The following ZBTB20 variants were observed in gnomAD, a reference collection of about 807,000 sequenced individuals.
The protein encoded by ZBTB20 is zinc finger and BTB domain containing 20.
ZBTB20 carries 9 observed loss-of-function variants against 56.9 expected under a neutral mutation model. That is an observed-to-expected ratio of 0.16 (90% confidence interval 0.10 to 0.28). The LOEUF (loss-of-function observed/expected upper bound fraction) is 0.28, where lower values mean the gene tolerates loss of function less well. Among genes scored for constraint, ZBTB20 ranks in the 10% least tolerant of loss-of-function variants. ZBTB20 has a pLI of 1.00. For synonymous variants in ZBTB20, 417 were observed against 420.7 expected, an observed-to-expected ratio of 0.99 and a Z score of 0.11; for missense variants, 655 against 1,003.0, an observed-to-expected ratio of 0.65 and a Z score of 4.69.
At chr3:114,380,004 T>A (rs1282588509) in intron 10 of ZBTB20, among the ~76,000 whole-genome samples, 1 of 152,244 alleles carries the variant, frequency 6.6e-6, no homozygotes, top group Non-Finnish European at 1.5e-5. Context: ...ATCAGCCCTT[T>A]AAGGCCAAAT....
In ZBTB20 at chr3:114,492,611, T is replaced by TA. The variant is rs547898761; in HGVS notation, c.-255+7740dup. Among the ~76,000 whole-genome samples the TA allele has an allele frequency of 9.2e-5, 14 of 152,336 alleles. No homozygotes were observed. The East Asian group carries it at 2.3e-3, about 25-fold the overall frequency. On this transcript the variant is annotated intron_variant, in intron 7 of 11. Transcript: ENST00000675478. ...CTGCCTCTTATGTGGTCTACTGGAA[T>TA]AGCTCCCTCACTGGTTTCCTCATAT...
chr3:114,631,419 G>A (rs372848920), intron 6 of ZBTB20, among the ~76,000 whole-genome samples: 6 of 82,212 alleles, frequency 7.3e-5, no homozygotes, highest in South Asian at 4.4e-4. Flanking sequence ...TTGAGATGGC[G>A]TCTTGCTCTG....
At chr3:114,560,025 T>C (rs955533256) in intron 6 of ZBTB20, among the ~76,000 whole-genome samples, 3 of 152,216 alleles carry the variant, frequency 2.0e-5, no homozygotes, top group Admixed American at 1.3e-4. Flanking sequence ...ATTCTAAATG[T>C]AGGTCAAATT....
intron 1 of ZBTB20, among the ~76,000 whole-genome samples, chr3:115,121,918 A>C (rs1010100756): frequency 5.9e-5 from 9 of 151,962 alleles, no homozygotes; most frequent in Admixed American, 3.3e-4. Context: ...AGATCTCCTC[A>C]TTTTTAAATT....
intron 2 of ZBTB20, among the ~76,000 whole-genome samples, chr3:115,012,457 T>C (rs1409062370): frequency 1.3e-5 from 2 of 151,622 alleles, no homozygotes; most frequent in East Asian, 3.9e-4. Flanking sequence ...GGATGAAAAC[T>C]ATAAGAAGAG....
Position 114,336,592 on chromosome 3 carries a change from A to G in ZBTB20, c.*2413T>C, listed in dbSNP as rs1441015099. On this transcript the variant is annotated 3_prime_UTR_variant, in exon 12 of 12. Transcript: ENST00000675478. ...TCAAACTCACAAACACTTCAGTTAC[A>G]CTAACCTTACAAAGCATCACAAAGA... The G allele has an allele frequency of 6.6e-6, 1 of 152,224 alleles. No individual in the cohort carries two copies. Among genetic ancestry groups the G allele is most frequent in the Non-Finnish European group, 1.5e-5 (1 of 68,022 alleles). The allele number at this position is 152,224 out of a possible 1,614,324, so 9.4% of individuals were successfully genotyped here.
chr3:114,956,860 C>CTCAGTGAACCTGT (rs2077265334), intron 3 of ZBTB20, among the ~76,000 whole-genome samples: 1 of 152,172 alleles, frequency 6.6e-6, no homozygotes, highest in Non-Finnish European at 1.5e-5. Flanking sequence ...TCACTCTCAT[C>CTCAGTGAACCTGT]TCAGTGAACC....
intron 1 of ZBTB20, among the ~76,000 whole-genome samples, chr3:115,136,651 C>T (rs2084660239): frequency 6.6e-6 from 1 of 152,004 alleles, no homozygotes; most frequent in African/African-American, 2.4e-5. Context: ...GTAATGCATA[C>T]CCCAAATGAC....
chr3:114,800,360 G>C (rs2071623338), intron 5 of ZBTB20, among the ~76,000 whole-genome samples: 1 of 151,730 alleles, frequency 6.6e-6, no homozygotes, highest in African/African-American at 2.4e-5. Flanking sequence ...CTGTTATTCA[G>C]ACGTTGAAAT....
intron 5 of ZBTB20, among the ~76,000 whole-genome samples, chr3:114,775,464 C>T (rs1476270579): frequency 6.6e-6 from 1 of 151,410 alleles, no homozygotes; most frequent in Non-Finnish European, 1.5e-5. Context: ...ACTTCTGTTG[C>T]CTTATTTAAT....
chr3:114,575,633 T>G (rs1187521505), intron 6 of ZBTB20, among the ~76,000 whole-genome samples: 1 of 152,090 alleles, frequency 6.6e-6, no homozygotes, highest in Non-Finnish European at 1.5e-5. Context: ...TGCCTCTATT[T>G]AAATAGTAAA....
Position 115,077,118 on chromosome 3 carries a change from G to T in ZBTB20, c.-702-5704C>A, listed in dbSNP as rs866622042. ...AGCCTGGGGCGTGGCGAGCAGGGGT[G>T]AATTCCCTGATATATCTGATAAGGG... On this transcript the variant is annotated intron_variant, in intron 1 of 11. Transcript: ENST00000675478. 2.6e-5 allele frequency among the ~76,000 whole-genome samples: 4 copies of T among 152,084 alleles called. No homozygotes were observed. In the Middle Eastern group the frequency reaches 0.01, roughly 388 times the overall value.
chr3:114,934,004 A>C (rs745472677), intron 3 of ZBTB20, among the ~76,000 whole-genome samples: 27 of 152,144 alleles, frequency 1.8e-4, no homozygotes, highest in African/African-American at 6.3e-4. Context: ...CTAATACCAC[A>C]GGAAAGGGTC....
At chr3:115,035,857 T>C (rs976813958) in intron 2 of ZBTB20, among the ~76,000 whole-genome samples, 20 of 152,158 alleles carry the variant, frequency 1.3e-4, no homozygotes, top group African/African-American at 4.1e-4. Flanking sequence ...ACACAAATTG[T>C]GATATATATA....
chr3:114,535,511 C>T (rs1298540329), intron 6 of ZBTB20, among the ~76,000 whole-genome samples: 3 of 152,080 alleles, frequency 2.0e-5, no homozygotes, highest in East Asian at 1.9e-4. Flanking sequence ...AGCCTACCAA[C>T]CAAAAAAAGC....
chr3:115,028,226 C>T (rs1294721068), intron 2 of ZBTB20, among the ~76,000 whole-genome samples: 1 of 150,466 alleles, frequency 6.6e-6, no homozygotes, highest in Non-Finnish European at 1.5e-5. Flanking sequence ...AAAATAAACC[C>T]ATAACATAGT....
chr3:115,105,785 G>A (rs138450897), intron 1 of ZBTB20, among the ~76,000 whole-genome samples: 379 of 152,154 alleles, frequency 2.5e-3, no homozygotes, highest in African/African-American at 8.5e-3. Context: ...AAAAAAGCAA[G>A]AATTCAATTG....
rs546599316 is a variant in ZBTB20, at chr3:114,771,204, T to TA, written c.-343+29896dup. 1.7e-4 allele frequency among the ~76,000 whole-genome samples: 26 copies of TA among 152,232 alleles called. No homozygotes were observed. In the East Asian group the frequency reaches 5.0e-3, roughly 29 times the overall value. ...AAATAAATGACAAAACAAACCTAAA[T>TA]AAAAAATTAGTTGATTTAAATACTC... On this transcript the variant is annotated intron_variant, in intron 5 of 11. Transcript: ENST00000675478.
In ZBTB20 at chr3:114,329,334, A is replaced by G. The variant is rs1166841117; in HGVS notation, c.*9671T>C. 1.3e-5 allele frequency: 2 copies of G among 152,230 alleles called. No individual in the cohort carries two copies. The highest frequency in any genetic ancestry group is 2.4e-5 in the African/African-American group (1 of 41,456). 9.4% of individuals were successfully genotyped at this position (152,230 alleles called of 1,614,324 possible). A position where few individuals can be genotyped will look rare whatever the true frequency, so the allele number is the denominator to read the frequency against. ...CCTGACTTCATTTTGTCCTGAATGT[A>G]GAAGTGAAGAAGGACACTAGTTTCA... On this transcript the variant is annotated 3_prime_UTR_variant, in exon 12 of 12. Transcript: ENST00000675478.
Sources: gnomAD v4.1 joint callset for allele counts (sites outside exome capture counted in the v4.1 genomes callset) on GRCh38, gnomAD v4.1.1 for gene constraint, MANE v1.5 for transcripts, NCBI Gene and HGNC (gene_info 2026-07-23, HGNC 2026-07-21) for gene names.